PARP11: variants seen among roughly 807,000 people sequenced by gnomAD.
PARP11 encodes the protein poly(ADP-ribose) polymerase family member 11.
Under a neutral mutation model 42.9 loss-of-function variants are expected in PARP11, and 31 were observed. The observed-to-expected ratio is 0.72, with a 90% confidence interval of 0.54 to 0.98. The LOEUF is 0.98. Ranked by LOEUF, PARP11 falls within the 50% of genes least tolerant of loss-of-function variation. The pLI is 0.00. For missense variants in PARP11, 365 were observed against 413.1 expected (o/e 0.88, Z 1.01); for synonymous variants, 137 against 127.3 (o/e 1.08, Z -0.51).
intron 1 of PARP11, among the ~76,000 whole-genome samples, chr12:3,859,222 T>C (rs954983771): frequency 8.5e-5 from 13 of 152,072 alleles, no homozygotes; most frequent in African/African-American, 3.1e-4. Context: ...ATTATATAGA[T>C]GTGAATATTC....
chr12:3,851,682 G>A (rs1948097407), intron 1 of PARP11, among the ~76,000 whole-genome samples: 1 of 152,214 alleles, frequency 6.6e-6, no homozygotes, highest in Non-Finnish European at 1.5e-5. Flanking sequence ...CTGGGGGCAG[G>A]GCATAGCTGA....
chr12:3,849,311 C>G (rs1282032467), intron 1 of PARP11, among the ~76,000 whole-genome samples: 1 of 151,790 alleles, frequency 6.6e-6, no homozygotes, highest in Non-Finnish European at 1.5e-5. Context: ...TGAGTATATA[C>G]CTAAAAGAAA....
chr12:3,839,859 G>A (rs1947850247), intron 1 of PARP11: 3 of 1,111,078 alleles, frequency 2.7e-6, no homozygotes, highest in African/African-American at 1.5e-5. Flanking sequence ...AAATTGTGAT[G>A]GAACTAGACA....
intron 1 of PARP11, among the ~76,000 whole-genome samples, chr12:3,843,088 T>C (rs562375154): frequency 2.2e-4 from 33 of 152,376 alleles, no homozygotes; most frequent in South Asian, 1.2e-3. Flanking sequence ...CAAACTTGAA[T>C]AATGTCTTCT....
At position 3,810,706 on chromosome 12, in the gene PARP11, G is replaced by GA. The variant is rs10687780; in HGVS notation, c.*1416dup. Reference sequence around the variant, plus strand: ...AGGAAAGAAAGAAGGAAGGAAGAGAGAGAGAAGAGAAGAGAAAGAGAAAGA... The same window carrying GA: ...AGGAAAGAAAGAAGGAAGGAAGAGAGAAGAGAAGAGAAGAGAAAGAGAAAGA... On this transcript the variant is annotated 3_prime_UTR_variant, in exon 8 of 8. Coordinates refer to ENST00000228820, the MANE Select transcript of PARP11 (RefSeq NM_020367.6). The GA allele has an allele frequency of 7.4e-6, 1 of 135,620 alleles. No individual in the cohort carries two copies. Among genetic ancestry groups the GA allele is most frequent in the African/African-American group, 3.1e-5 (1 of 32,124 alleles). The allele number at this position is 135,620 out of a possible 1,614,324, so 8.4% of individuals were successfully genotyped here.
intron 1 of PARP11, among the ~76,000 whole-genome samples, chr12:3,830,517 T>C (rs1462439766): frequency 2.6e-5 from 4 of 152,186 alleles, no homozygotes; most frequent in African/African-American, 9.7e-5. Flanking sequence ...AATAAAAATA[T>C]ACTTACTCCT....
At chr12:3,813,638 C>T (rs1947226485) in intron 7 of PARP11, among the ~76,000 whole-genome samples, 10 of 152,164 alleles carry the variant, frequency 6.6e-5, no homozygotes, top group Admixed American at 6.5e-4. Flanking sequence ...ATATCCTGAT[C>T]CTAAACAGTA....
chr12:3,862,190 G>A (rs1948304397), intron 1 of PARP11, among the ~76,000 whole-genome samples: 1 of 152,178 alleles, frequency 6.6e-6, no homozygotes, highest in Non-Finnish European at 1.5e-5. Flanking sequence ...CACTTTGGGA[G>A]GCTGCACCCA....
At chr12:3,816,892 A>C (rs1484467700) in intron 6 of PARP11, among the ~76,000 whole-genome samples, 1 of 151,902 alleles carries the variant, frequency 6.6e-6, no homozygotes, top group Non-Finnish European at 1.5e-5. Flanking sequence ...ACAGAGCAAG[A>C]CTCCATCTCA....
rs935110102 is a variant in PARP11 at position 3,809,272 on chromosome 12, A to G, written c.*2851T>C. 6.6e-6 allele frequency: 1 copy of G among 152,216 alleles called. No individual in the cohort carries two copies. Among genetic ancestry groups the G allele is most frequent in the African/African-American group, 2.4e-5 (1 of 41,458 alleles). 9.4% of individuals were successfully genotyped at this position (152,216 alleles called of 1,614,324 possible). On this transcript the variant is annotated 3_prime_UTR_variant, in exon 8 of 8. Coordinates refer to ENST00000228820, the MANE Select transcript of PARP11 (RefSeq NM_020367.6). ...TGATTCTCGATTTAATCTACTTACC[A>G]AAACAAAGAAATAAAATTTTAACAT...
intron 1 of PARP11, among the ~76,000 whole-genome samples, chr12:3,860,761 C>T (rs1055023459): frequency 1.3e-5 from 2 of 152,146 alleles, no homozygotes; most frequent in Admixed American, 6.5e-5. Flanking sequence ...ACTGCAACCT[C>T]GAACTCCTAG....
intron 1 of PARP11, 85 bp downstream of exon 1, chr12:3,873,126 CG>C: frequency 8.0e-7 from 1 of 1,255,756 alleles, no homozygotes; most frequent in Non-Finnish European, 1.1e-6. Flanking sequence ...GAAGCGAGCG[CG>C]GGGAAGCAGT....
chr12:3,827,449 A>G (rs1049058713), intron 3 of PARP11, among the ~76,000 whole-genome samples: 1 of 152,164 alleles, frequency 6.6e-6, no homozygotes, highest in African/African-American at 2.4e-5. Flanking sequence ...CATCCTCTAC[A>G]TGAGGTCTGG....
intron 1 of PARP11, among the ~76,000 whole-genome samples, chr12:3,863,408 A>G (rs1948333114): frequency 6.6e-6 from 1 of 152,190 alleles, no homozygotes; most frequent in African/African-American, 2.4e-5. Flanking sequence ...AAGAATGGAC[A>G]TCATTGCCTT....
chr12:3,872,442 G>A, intron 1 of PARP11: 1 of 886,734 alleles, frequency 1.1e-6, no homozygotes, highest in Non-Finnish European at 1.4e-6. Context: ...CGGCCCCTAC[G>A]TTGCACTTTA....
chr12:3,845,610 C>T (rs935182955), intron 1 of PARP11, among the ~76,000 whole-genome samples: 7 of 152,152 alleles, frequency 4.6e-5, no homozygotes, highest in African/African-American at 1.7e-4. Flanking sequence ...TAAGCAAGGT[C>T]CACTCTAGTG....
chr12:3,819,856 T>C (rs1251740715), intron 6 of PARP11, among the ~76,000 whole-genome samples: 1 of 152,192 alleles, frequency 6.6e-6, no homozygotes, highest in African/African-American at 2.4e-5. Context: ...TTGATACCAT[T>C]CTAGCCTCCT....
At position 3,840,859 on chromosome 12, in the gene PARP11, C is replaced by G. The variant is rs1027648756; in HGVS notation, c.19-10841G>C. The G allele has an allele frequency of 6.3e-7, 1 of 1,598,518 alleles. No individual in the cohort carries two copies. Among genetic ancestry groups the G allele is most frequent in the African/African-American group, 1.3e-5 (1 of 74,600 alleles). On this transcript the variant is annotated intron_variant, in intron 1 of 7. Coordinates refer to ENST00000228820, the MANE Select transcript of PARP11 (RefSeq NM_020367.6). This position sits in a 1 kb window ranked among gnomAD's most constrained non-coding sequence, Gnocchi z 4.4. ...GTGCCCTTCTCCTGCAGAACAAAAGCCAGCAGAACATGTGTCTTTGTCAAA... is the reference window on the plus strand; with the variant it reads ...GTGCCCTTCTCCTGCAGAACAAAAGGCAGCAGAACATGTGTCTTTGTCAAA...
intron 1 of PARP11, among the ~76,000 whole-genome samples, chr12:3,865,386 G>T (rs1202460825): frequency 6.6e-6 from 1 of 152,058 alleles, no homozygotes; most frequent in Non-Finnish European, 1.5e-5. Context: ...AGTTGACAGT[G>T]GTGTTCAAGT....
Sources: gnomAD v4.1 joint callset for allele counts (sites outside exome capture counted in the v4.1 genomes callset) on GRCh38, gnomAD v4.1.1 for gene constraint, Gnocchi (gnomAD v3.1) non-coding constraint, MANE v1.5 for transcripts, NCBI Gene and HGNC (gene_info 2026-07-23, HGNC 2026-07-21) for gene names.